ZNF618: variants seen among roughly 807,000 people sequenced by gnomAD.
ZNF618 encodes the protein zinc finger protein 618, also known as neural precursor cell expressed, developmentally down-regulated 10.
Under a neutral mutation model 103.0 loss-of-function variants are expected in ZNF618, and 34 were observed. The ratio of observed to expected loss-of-function variants is 0.33; its 90% CI spans 0.25 to 0.44. ZNF618 has a LOEUF of 0.44. ZNF618 is among the 20% of genes least tolerant of loss of function. The pLI is 1.00. For synonymous variants in ZNF618, 551 were observed against 542.2 expected (o/e 1.02, Z -0.23); for missense variants, 1,059 against 1,295.4 (o/e 0.82, Z 2.80).
intron 9 of ZNF618, among the ~76,000 whole-genome samples, chr9:114,010,430 G>T (rs1842133199): frequency 6.6e-6 from 1 of 152,196 alleles, no homozygotes; most frequent in South Asian, 2.1e-4. Context: ...ATTCAGGCTG[G>T]GCGTGGTGGC....
At chr9:113,971,376 G>T (rs1837947025) in intron 2 of ZNF618, among the ~76,000 whole-genome samples, 1 of 152,078 alleles carries the variant, frequency 6.6e-6, no homozygotes, top group African/African-American at 2.4e-5. Context: ...CCACTCCTCA[G>T]TGCTATGCCC....
chr9:114,050,404 T>A lies in ZNF618; in HGVS notation c.*237T>A. On this transcript the variant is annotated 3_prime_UTR_variant, in exon 15 of 15. Transcript: ENST00000374126. ...GGTTGTGGGGGTGTGGGGGGGTCTC[T>A]GTGCTCATCTCCATGGCCAGAGAAA... 1 of 470,370 alleles carries A rather than the reference T, an allele frequency of 2.1e-6. No individual in the cohort carries two copies. Among genetic ancestry groups the A allele is most frequent in the Non-Finnish European group, 3.7e-6 (1 of 268,632 alleles). The allele number at this position is 470,370 out of a possible 1,614,324, so 29.1% of individuals were successfully genotyped here. A position where few individuals can be genotyped will look rare whatever the true frequency, so the allele number is the denominator to read the frequency against.
intron 2 of ZNF618, 58 bp from the exon 3 acceptor site, chr9:113,988,263 T>G: frequency 1.3e-6 from 2 of 1,550,096 alleles, no homozygotes; most frequent in African/African-American, 1.4e-5. Context: ...CATGGGCTGG[T>G]GGGCTCCTGT....
intron 4 of ZNF618, among the ~76,000 whole-genome samples, chr9:114,000,123 C>A (rs1246745707): frequency 6.6e-6 from 1 of 152,216 alleles, no homozygotes; most frequent in Non-Finnish European, 1.5e-5. Flanking sequence ...ATAACAGACT[C>A]CTAAATCCCA....
intron 4 of ZNF618, among the ~76,000 whole-genome samples, chr9:114,000,377 G>T (rs757044381): frequency 6.6e-6 from 1 of 152,236 alleles, no homozygotes; most frequent in Non-Finnish European, 1.5e-5. Flanking sequence ...AAACAGATAA[G>T]ACAAACTTGT....
chr9:114,018,492 G>A (rs1034897899), intron 10 of ZNF618, among the ~76,000 whole-genome samples: 1 of 152,272 alleles, frequency 6.6e-6, no homozygotes, highest in African/African-American at 2.4e-5. Context: ...TCAGCCTTTG[G>A]AGACTATCTT....
intron 11 of ZNF618, among the ~76,000 whole-genome samples, chr9:114,030,044 A>G (rs1843869145): frequency 6.6e-6 from 1 of 152,150 alleles, no homozygotes; most frequent in African/African-American, 2.4e-5. Context: ...TCCTCAGGAG[A>G]CCAAAGCCAT....
At chr9:114,008,633 C>T in intron 9 of ZNF618, 79 bp downstream of exon 9, 1 of 1,536,360 alleles carries the variant, frequency 6.5e-7, no homozygotes, top group Non-Finnish European at 8.9e-7. Context: ...ACTGCTAGGG[C>T]AGGGGTAGCA....
At chr9:113,987,596 C>T (rs1839606974) in intron 2 of ZNF618, among the ~76,000 whole-genome samples, 1 of 151,438 alleles carries the variant, frequency 6.6e-6, no homozygotes, top group Non-Finnish European at 1.5e-5. Context: ...ACGAAGGGAA[C>T]AGCACTGGAT....
rs7852282 is a variant in ZNF618, at chr9:114,048,904, G to A, written c.1602G>A (p.Lys534=). 0.012 allele frequency: 19,474 copies of A among 1,608,746 alleles called. 1,719 individuals are homozygous for A. The African/African-American group carries it at 0.21, about 17-fold the overall frequency. ...TGCCACGCATGTACAACCAGGTGAA[G>A]GTGAAAGTGACCTGTGCCTTGGGCA... ...KHLPRMYNQV[K]VKVTCALGSN... The change falls in exon 15 of 15, where the codon AAG becomes AAA. Residue 534 remains lysine, a synonymous_variant. Transcript: ENST00000374126.
intron 2 of ZNF618, 28 bp downstream of exon 2, chr9:113,969,188 G>T: frequency 6.2e-7 from 1 of 1,613,902 alleles, no homozygotes; most frequent in African/African-American, 1.3e-5. Flanking sequence ...CCCCCAGCTT[G>T]TCCACCCATC....
intron 1 of ZNF618, among the ~76,000 whole-genome samples, chr9:113,902,848 G>A (rs909583849): frequency 6.6e-6 from 1 of 152,128 alleles, no homozygotes; most frequent in African/African-American, 2.4e-5. Flanking sequence ...GCTGCTTGTG[G>A]TGTAGGGCTG....
At chr9:114,016,347 A>G (rs1411543208) in intron 9 of ZNF618, among the ~76,000 whole-genome samples, 1 of 152,080 alleles carries the variant, frequency 6.6e-6, no homozygotes, top group East Asian at 1.9e-4. Context: ...AGGTCAGCAC[A>G]CTTCTTGAGC....
chr9:113,990,679 CAG>C (rs998428979), intron 3 of ZNF618, among the ~76,000 whole-genome samples: 1 of 152,214 alleles, frequency 6.6e-6, no homozygotes, highest in African/African-American at 2.4e-5. Context: ...CTGCTGCAGC[CAG>C]AGAGAGAGGT....
At chr9:113,977,715 C>T (rs753452342) in intron 2 of ZNF618, among the ~76,000 whole-genome samples, 4 of 152,184 alleles carry the variant, frequency 2.6e-5, no homozygotes, top group Non-Finnish European at 4.4e-5. Flanking sequence ...ATGCCATTAA[C>T]ACTGCTTCTC....
chr9:114,034,744 G>A (rs1844432470), intron 12 of ZNF618, among the ~76,000 whole-genome samples: 1 of 152,176 alleles, frequency 6.6e-6, no homozygotes, highest in Non-Finnish European at 1.5e-5. Context: ...AGGGAGAGAT[G>A]CCAGCCAGCA....
intron 1 of ZNF618, among the ~76,000 whole-genome samples, chr9:113,923,660 A>C (rs1832838915): frequency 6.6e-6 from 1 of 152,098 alleles, no homozygotes; most frequent in Non-Finnish European, 1.5e-5. Context: ...ACACTTTTTA[A>C]AACATTTTTA....
At chr9:113,969,181 C>T (rs372742897) in intron 2 of ZNF618, 21 bp downstream of exon 2, 331 of 1,613,870 alleles carry the variant, frequency 2.1e-4, no homozygotes, top group Non-Finnish European at 2.6e-4. Flanking sequence ...TCTCCCGCCC[C>T]CAGCTTGTCC....
chr9:113,922,409 G>T (rs1235766032), intron 1 of ZNF618, among the ~76,000 whole-genome samples: 1 of 151,948 alleles, frequency 6.6e-6, no homozygotes, highest in Admixed American at 6.5e-5. Flanking sequence ...GAAAGTGGTT[G>T]TGGTTGGTGT....
Sources: allele counts gnomAD v4.1 joint callset (sites outside exome capture counted in the v4.1 genomes callset), GRCh38; gene constraint gnomAD v4.1.1; transcripts MANE v1.5; gene names NCBI Gene and HGNC (gene_info 2026-07-23, HGNC 2026-07-21).